MARCHF10: variants seen among roughly 807,000 people sequenced by gnomAD.
MARCHF10 encodes probable E3 ubiquitin-protein ligase MARCHF10.
Under a neutral mutation model 76.2 loss-of-function variants are expected in MARCHF10, and 64 were observed. The observed-to-expected ratio is 0.84, with a 90% CI of 0.69 to 1.03. MARCHF10 has a LOEUF of 1.03. Among genes scored for constraint, MARCHF10 ranks in the 50% least tolerant of loss-of-function variants. The pLI is 0.00. For synonymous variants in MARCHF10, 340 were observed against 357.5 expected (o/e 0.95, Z 0.55); for missense variants, 875 against 958.0 (o/e 0.91, Z 1.14).
chr17:62,767,448 T>A (rs536230036), intron 3 of MARCHF10, among the ~76,000 whole-genome samples: 21 of 110,314 alleles, frequency 1.9e-4, no homozygotes, highest in African/African-American at 5.4e-4. Flanking sequence ...TGGGTCTGTA[T>A]TCTTTTTTTT....
chr17:62,754,878 G>T (rs2091995772), intron 4 of MARCHF10, among the ~76,000 whole-genome samples: 1 of 152,168 alleles, frequency 6.6e-6, no homozygotes, highest in Non-Finnish European at 1.5e-5. Flanking sequence ...ATCTTCAGAA[G>T]AATGTATTTG....
intron 3 of MARCHF10, among the ~76,000 whole-genome samples, chr17:62,784,909 T>C (rs545363733): frequency 1.5e-4 from 23 of 152,300 alleles, no homozygotes; most frequent in Admixed American, 7.8e-4. Flanking sequence ...TCCATGCTCA[T>C]GGATAGGAAG....
At chr17:62,777,713 C>CAAAAAAAAAAAAAAAAAA in intron 3 of MARCHF10, among the ~76,000 whole-genome samples, 1 of 59,668 alleles carries the variant, frequency 1.7e-5, no homozygotes, top group South Asian at 7.8e-4. Flanking sequence ...GACTCCATCT[C>CAAAAAAAAAAAAAAAAAA]AAAAAAAAAA....
chr17:62,737,342 G>A lies in MARCHF10; in HGVS notation c.536-10C>T, dbSNP rs569581381. 4 of 1,598,706 alleles carry A rather than the reference G, an allele frequency of 2.5e-6. No homozygotes were observed. The African/African-American group carries it at 5.4e-5, about 22-fold the overall frequency. ...TGTTGAACTACTTGATCTGCATTGA[G>A]AAAAGACACATTTATCGTTCCAGTA... On this transcript the variant is annotated splice_polypyrimidine_tract_variant and intron_variant, in intron 5 of 10. Coordinates refer to ENST00000311269, the MANE Select transcript of MARCHF10 (RefSeq NM_152598.4).
intron 2 of MARCHF10, among the ~76,000 whole-genome samples, chr17:62,793,742 AACC>A (rs1241942716): frequency 1.0e-5 from 1 of 95,930 alleles, no homozygotes; most frequent in Non-Finnish European, 2.1e-5. Context: ...CGCCTCCATC[AACC>A]ACCACCACCT....
At chr17:62,728,180 A>G (rs1599118384) in intron 6 of MARCHF10, among the ~76,000 whole-genome samples, 2 of 147,942 alleles carry the variant, frequency 1.4e-5, no homozygotes, top group South Asian at 2.1e-4. Flanking sequence ...GCACGCCACC[A>G]TGCCCAGCTA....
In MARCHF10 at chr17:62,765,171, G is replaced by A. The variant is rs368212327; in HGVS notation, c.211-5165C>T. Among the ~76,000 whole-genome samples the A allele has an allele frequency of 1.7e-4, 22 of 130,580 alleles. No individual in the cohort carries two copies. The East Asian group carries it at 2.3e-3, about 13-fold the overall frequency. The allele number at this position is 130,580 out of a possible 152,430, so 85.7% of individuals were successfully genotyped here. A position where few individuals can be genotyped will look rare whatever the true frequency, so the allele number is the denominator to read the frequency against. ...AGACCAGCCTGGCCAACATGGTGAA[G>A]CCCCGTCTCCACTGAAAATACAAAA... On this transcript the variant is annotated intron_variant, in intron 3 of 10. Coordinates refer to ENST00000311269, the MANE Select transcript of MARCHF10 (RefSeq NM_152598.4).
Position 62,736,553 on chromosome 17 carries a change from A to T in MARCHF10, c.1315T>A (p.Tyr439Asn). The change falls in exon 6 of 11, where the codon TAC becomes AAC. Residue 439 changes from tyrosine (Y) to asparagine (N), a missense_variant. Tyr to Asn is a moderately radical substitution (Grantham distance 143, BLOSUM62 -2). Transcript: ENST00000311269. Reference protein sequence around the residue: ...HRPGTHDSEGYWKDYLNSSQN... With the variant: ...HRPGTHDSEGNWKDYLNSSQN... ...GAACTGTTTAAATAGTCTTTCCAGT[A>T]TCCTTCAGAATCATGGGTGCCAGGC... 6.2e-7 allele frequency: 1 copy of T among 1,614,230 alleles called. No individual in the cohort carries two copies. Among genetic ancestry groups the T allele is most frequent in the Non-Finnish European group, 8.5e-7 (1 of 1,180,042 alleles).
chr17:62,791,728 C>T (rs143365833), intron 2 of MARCHF10, among the ~76,000 whole-genome samples: 8 of 152,236 alleles, frequency 5.3e-5, no homozygotes, highest in East Asian at 3.9e-4. Flanking sequence ...GACTCACAGT[C>T]GTAGAAGCAG....
At chr17:62,745,879 G>A (rs547505154) in intron 4 of MARCHF10, among the ~76,000 whole-genome samples, 1 of 152,340 alleles carries the variant, frequency 6.6e-6, no homozygotes, top group East Asian at 1.9e-4. Context: ...TTACAAGGCA[G>A]TTACATCGTG....
intron 10 of MARCHF10, chr17:62,704,946 GTTT>G (rs36050741): frequency 2.5e-5 from 21 of 837,026 alleles, no homozygotes; most frequent in East Asian, 1.3e-4. Flanking sequence ...TTCTCCAGTC[GTTT>G]TTTTTTTTTT....
chr17:62,763,245 T>C lies in MARCHF10; in HGVS notation c.211-3239A>G, dbSNP rs113852873. ...ACTACTGAACATTTACTACCTATGG[T>C]TGAAACTAAAGTCAAAGTCCCCAGT... On this transcript the variant is annotated intron_variant, in intron 3 of 10. Coordinates refer to ENST00000311269, the MANE Select transcript of MARCHF10 (RefSeq NM_152598.4). Among the ~76,000 whole-genome samples, 235 of 152,340 alleles carry C rather than the reference T, an allele frequency of 1.5e-3. 1 individual carries two copies. Among genetic ancestry groups the C allele is most frequent in the Non-Finnish European group, 2.8e-3 (192 of 68,032 alleles).
chr17:62,740,669 T>A (rs906945939), intron 5 of MARCHF10, among the ~76,000 whole-genome samples: 4 of 152,046 alleles, frequency 2.6e-5, no homozygotes, highest in South Asian at 2.1e-4. Flanking sequence ...TTTTTTTTTT[T>A]AATTTTAGAA....
chr17:62,770,851 C>CTTTTTTTTTTT (rs35064058), intron 3 of MARCHF10, among the ~76,000 whole-genome samples: 1 of 83,628 alleles, frequency 1.2e-5, no homozygotes, highest in Non-Finnish European at 2.2e-5. Context: ...TGTATTTTGA[C>CTTTTTTTTTTT]TTTTTTTTTT....
Position 62,724,935 on chromosome 17 carries a change from T to A in MARCHF10, c.2104+3A>T, listed in dbSNP as rs763163523. 1 of 1,611,480 alleles carries A rather than the reference T, an allele frequency of 6.2e-7. No individual in the cohort carries two copies. On this transcript the variant is annotated splice_donor_region_variant and intron_variant, in intron 7 of 10. Coordinates refer to ENST00000311269, the MANE Select transcript of MARCHF10 (RefSeq NM_152598.4). Reference sequence around the variant, plus strand: ...CGTTCACTGCACTTCCTTCCCCACCTACCTGATGTTATTTTCACTTTCAGC... The same window carrying A: ...CGTTCACTGCACTTCCTTCCCCACCAACCTGATGTTATTTTCACTTTCAGC...
chr17:62,777,330 C>T (rs887830631), intron 3 of MARCHF10, among the ~76,000 whole-genome samples: 21 of 152,202 alleles, frequency 1.4e-4, no homozygotes, highest in African/African-American at 5.1e-4. Flanking sequence ...ATTGCCATGG[C>T]AACACCTGGG....
intron 8 of MARCHF10, among the ~76,000 whole-genome samples, chr17:62,718,667 G>T (rs955678239): frequency 1.3e-5 from 2 of 152,200 alleles, no homozygotes; most frequent in African/African-American, 4.8e-5. Flanking sequence ...GGCACTGAGA[G>T]GTTCTGGTTT....
At position 62,736,247 on chromosome 17, in the gene MARCHF10, C is replaced by T. The variant is rs1196804605; in HGVS notation, c.1621G>A (p.Val541Ile). The T allele has an allele frequency of 6.2e-7, 1 of 1,614,102 alleles. No homozygotes were observed. Among genetic ancestry groups the T allele is most frequent in the Non-Finnish European group, 8.5e-7 (1 of 1,180,052 alleles). ...AAAGTAGTATCTTCTGCTTCCCTGA[C>T]AGCAAATTCGTGTGCACTGTTTACT... The part of the protein sequence containing the change: ...FPVNSAHEFA[V>I]REAEDTTLTS... Residue 541 changes from valine (V) to isoleucine (I), a missense_variant, in exon 6 of 11, where the codon GTC (valine) becomes ATC (isoleucine). Coordinates refer to ENST00000311269, the MANE Select transcript of MARCHF10 (RefSeq NM_152598.4).
chr17:62,774,263 T>A (rs1568191348), intron 3 of MARCHF10, among the ~76,000 whole-genome samples: 1 of 152,086 alleles, frequency 6.6e-6, no homozygotes, highest in Non-Finnish European at 1.5e-5. Context: ...GGAGGGCACT[T>A]GAGGAACTCG....
Sources: allele counts gnomAD v4.1 joint callset (sites outside exome capture counted in the v4.1 genomes callset), GRCh38; gene constraint gnomAD v4.1.1; transcripts MANE v1.5; gene names NCBI Gene and HGNC (gene_info 2026-07-23, HGNC 2026-07-21).